The following TOX3 variants were observed in gnomAD, a reference collection of about 807,000 sequenced individuals.
TOX3 encodes the protein TOX high mobility group box family member 3, also known as CAG trinucleotide repeat-containing gene F9 protein.
TOX3 carries 22 observed loss-of-function variants against 64.3 expected under a neutral mutation model. The observed-to-expected ratio is 0.34, with a 90% CI of 0.24 to 0.49. The LOEUF (loss-of-function observed/expected upper bound fraction) is 0.49. Among genes scored for constraint, TOX3 ranks in the 20% least tolerant of loss-of-function variants. The probability of loss-of-function intolerance (pLI) is 0.99; values close to 1 mark genes in which losing one functional copy is unlikely to be tolerated. For synonymous variants in TOX3, 291 were observed against 273.6 expected (o/e 1.06, Z -0.63); for missense variants, 661 against 714.4 (o/e 0.93, Z 0.85).
intron 1 of TOX3, among the ~76,000 whole-genome samples, chr16:52,510,204 T>C (rs2151471079): frequency 6.6e-6 from 1 of 152,226 alleles, no homozygotes; most frequent in South Asian, 2.1e-4. Context: ...TTTGTTTTTT[T>C]CCCCTTTCTC....
At chr16:52,517,529 C>T (rs1011693946) in intron 1 of TOX3, among the ~76,000 whole-genome samples, 2 of 151,776 alleles carry the variant, frequency 1.3e-5, no homozygotes, top group African/African-American at 4.8e-5. Flanking sequence ...AAGAGAAAAG[C>T]ACTAATGATG....
rs182701048 is a variant in TOX3 at position 52,447,887 on chromosome 16, A to T, written c.679-1666T>A. ...CAAACAACTATATTCTTCTCCTGGAAGAAAATCTGGCACTGTTAGTGCCAC... is the reference window on the plus strand; with the variant it reads ...CAAACAACTATATTCTTCTCCTGGATGAAAATCTGGCACTGTTAGTGCCAC... On this transcript the variant is annotated intron_variant, in intron 4 of 6. Coordinates refer to ENST00000219746, the MANE Select transcript of TOX3 (RefSeq NM_001080430.4). Among the ~76,000 whole-genome samples the T allele has an allele frequency of 1.4e-4, 21 of 152,306 alleles. No individual in the cohort carries two copies. In the East Asian group the frequency reaches 4.1e-3, roughly 29 times the overall value.
At position 52,536,845 on chromosome 16, in the gene TOX3, C is replaced by CTG. The variant is rs917911860; in HGVS notation, c.87+9790_87+9791dup. Among the ~76,000 whole-genome samples, 67 of 147,040 alleles carry CTG rather than the reference C, an allele frequency of 4.6e-4. 1 individual carries two copies. Among genetic ancestry groups the CTG allele is most frequent in the South Asian group, 2.0e-3 (9 of 4,598 alleles). On this transcript the variant is annotated intron_variant, in intron 1 of 6. Coordinates refer to ENST00000219746, the MANE Select transcript of TOX3 (RefSeq NM_001080430.4). ...GCTGGAAGTGCAGTGGTGTGTGTGT[C>CTG]TGTGTGTGTGTGTGTGTACATATAT... is the stretch of plus-strand genomic sequence containing the variant.
intron 3 of TOX3, among the ~76,000 whole-genome samples, chr16:52,460,503 C>G (rs1192691402): frequency 6.6e-6 from 1 of 152,132 alleles, no homozygotes; most frequent in Non-Finnish European, 1.5e-5. Context: ...CTACTGCTCT[C>G]TGAAATGTTT....
intron 1 of TOX3, among the ~76,000 whole-genome samples, chr16:52,485,246 G>GTGTGTA (rs1555484130): frequency 5.5e-5 from 7 of 127,868 alleles, no homozygotes; most frequent in African/African-American, 2.0e-4. Context: ...ATGTGTGTGT[G>GTGTGTA]TATATATATA....
intron 3 of TOX3, among the ~76,000 whole-genome samples, chr16:52,452,915 T>A (rs1401657386): frequency 6.6e-6 from 1 of 152,214 alleles, no homozygotes; most frequent in African/African-American, 2.4e-5. Context: ...GTGTTCTCCT[T>A]CGTTGTTCCT....
intron 1 of TOX3, among the ~76,000 whole-genome samples, chr16:52,521,493 G>A (rs1443122478): frequency 1.3e-5 from 2 of 152,088 alleles, no homozygotes; most frequent in Non-Finnish European, 2.9e-5. Context: ...GGTCCAGGAA[G>A]TGCTTCATTT....
At position 52,526,475 on chromosome 16, in the gene TOX3, C is replaced by T. The variant is rs1004740426; in HGVS notation, c.87+20162G>A. Reference sequence around the variant, plus strand: ...AAATAAGTGTTAATCACTTTATCTCCCCCAATCTTTTTTGTGAAGAAGAGC... The same window carrying T: ...AAATAAGTGTTAATCACTTTATCTCTCCCAATCTTTTTTGTGAAGAAGAGC... On this transcript the variant is annotated intron_variant, in intron 1 of 6. Coordinates refer to ENST00000219746, the MANE Select transcript of TOX3 (RefSeq NM_001080430.4). Among the ~76,000 whole-genome samples, 32 of 152,250 alleles carry T rather than the reference C, an allele frequency of 2.1e-4. 1 individual carries two copies. The highest frequency in any genetic ancestry group is 7.2e-4 in the African/African-American group (30 of 41,558).
At chr16:52,476,650 T>A (rs1368199657) in intron 1 of TOX3, among the ~76,000 whole-genome samples, 1 of 152,276 alleles carries the variant, frequency 6.6e-6, no homozygotes, top group South Asian at 2.1e-4. Context: ...GTAACACATA[T>A]GTTGTGAAGT....
chr16:52,520,975 T>C (rs1341198426), intron 1 of TOX3, among the ~76,000 whole-genome samples: 1 of 152,192 alleles, frequency 6.6e-6, no homozygotes, highest in Non-Finnish European at 1.5e-5. Flanking sequence ...GGTATTCCTT[T>C]CTATAAATAG....
chr16:52,522,715 G>A (rs1962637316), intron 1 of TOX3, among the ~76,000 whole-genome samples: 1 of 152,060 alleles, frequency 6.6e-6, no homozygotes, highest in South Asian at 2.1e-4. Flanking sequence ...GGAAACCTGG[G>A]AAAAAATGGT....
chr16:52,448,429 G>A (rs1036001398), intron 4 of TOX3, among the ~76,000 whole-genome samples: 2 of 152,132 alleles, frequency 1.3e-5, no homozygotes, highest in Admixed American at 6.5e-5. Flanking sequence ...CCTCTCAACT[G>A]TAATGGCTAA....
At chr16:52,451,835 G>A (rs1041198178) in intron 3 of TOX3, among the ~76,000 whole-genome samples, 3 of 152,168 alleles carry the variant, frequency 2.0e-5, no homozygotes, top group Admixed American at 6.5e-5. Flanking sequence ...TTAGATTTAT[G>A]TGCATTGACC....
chr16:52,512,034 A>G (rs1373677412), intron 1 of TOX3, among the ~76,000 whole-genome samples: 3 of 152,232 alleles, frequency 2.0e-5, no homozygotes, highest in South Asian at 2.1e-4. Context: ...AGAATGATCA[A>G]TCCTGCCATA....
chr16:52,484,079 T>G (rs1018101528), intron 1 of TOX3, among the ~76,000 whole-genome samples: 3 of 152,168 alleles, frequency 2.0e-5, no homozygotes, highest in African/African-American at 4.8e-5. Flanking sequence ...TGGCAGTAGT[T>G]ACTGAAGCAG....
intron 1 of TOX3, among the ~76,000 whole-genome samples, chr16:52,525,401 T>C (rs1962707776): frequency 6.6e-6 from 1 of 152,152 alleles, no homozygotes; most frequent in Admixed American, 6.5e-5. Context: ...AAGAAGATAA[T>C]CAAATGTTAC....
chr16:52,546,409 G>A (rs1287093606), intron 1 of TOX3, among the ~76,000 whole-genome samples: 3 of 152,190 alleles, frequency 2.0e-5, no homozygotes, highest in African/African-American at 7.2e-5. Context: ...GGAGGTGGGA[G>A]GGAGCGGAGG....
upstream of TOX3, chr16:52,547,673 G>A (rs1389793770): frequency 6.6e-6 from 1 of 152,170 alleles, no homozygotes; most frequent in Non-Finnish European, 1.5e-5. Flanking sequence ...CAACCTGCAC[G>A]AGTGTCTCCC....
At chr16:52,545,725 C>T (rs1963160331) in intron 1 of TOX3, among the ~76,000 whole-genome samples, 1 of 152,114 alleles carries the variant, frequency 6.6e-6, no homozygotes, top group African/African-American at 2.4e-5. Context: ...GTGATGTTTT[C>T]GACAAATTCG....
Sources: gnomAD v4.1 joint callset for allele counts (sites outside exome capture counted in the v4.1 genomes callset) on GRCh38, gnomAD v4.1.1 for gene constraint, MANE v1.5 for transcripts, NCBI Gene and HGNC (gene_info 2026-07-23, HGNC 2026-07-21) for gene names.